HCN1: variants seen among roughly 807,000 people sequenced by gnomAD.
The protein encoded by HCN1 is hyperpolarization activated cyclic nucleotide gated potassium channel 1, also known as potassium/sodium hyperpolarization-activated cyclic nucleotide-gated channel 1.
Under a neutral mutation model 78.9 loss-of-function variants are expected in HCN1, and 13 were observed. That is an observed-to-expected ratio of 0.16 (90% CI 0.11 to 0.26). The LOEUF is 0.26. Among genes scored for constraint, HCN1 ranks in the 10% least tolerant of loss-of-function variants. The probability of loss-of-function intolerance (pLI) is 1.00; values close to 1 mark genes in which losing one functional copy is unlikely to be tolerated. For missense variants in HCN1, 810 were observed against 1,154.3 expected (o/e 0.70, Z 4.32); for synonymous variants, 552 against 455.5 (o/e 1.21, Z -2.70).
At chr5:45,487,474 C>G (rs1044731131) in intron 2 of HCN1, among the ~76,000 whole-genome samples, 6 of 151,958 alleles carry the variant, frequency 3.9e-5, no homozygotes, top group Non-Finnish European at 8.8e-5. Context: ...TTGGTTAGAG[C>G]AATGCATGGT....
At chr5:45,668,640 T>G (rs1421786863) in intron 1 of HCN1, among the ~76,000 whole-genome samples, 1 of 151,964 alleles carries the variant, frequency 6.6e-6, no homozygotes, top group Non-Finnish European at 1.5e-5. Flanking sequence ...ATGCATAAGA[T>G]TCCTATGTGA....
intron 2 of HCN1, among the ~76,000 whole-genome samples, chr5:45,465,778 C>T (rs1741258331): frequency 6.6e-6 from 1 of 152,008 alleles, no homozygotes; most frequent in Admixed American, 6.6e-5. Context: ...TTTTAAACAA[C>T]TCTTTAATCT....
chr5:45,443,039 C>G (rs1019343093), intron 3 of HCN1, among the ~76,000 whole-genome samples: 1 of 151,950 alleles, frequency 6.6e-6, no homozygotes, highest in African/African-American at 2.4e-5. Context: ...TCTTGTTATG[C>G]TTGACACATA....
intron 3 of HCN1, among the ~76,000 whole-genome samples, chr5:45,456,730 G>T (rs1440573064): frequency 6.6e-6 from 1 of 151,996 alleles, no homozygotes; most frequent in African/African-American, 2.4e-5. Context: ...TAAATGTAGT[G>T]CTGTAATGCC....
chr5:45,335,945 A>G (rs1746445194), intron 5 of HCN1, among the ~76,000 whole-genome samples: 1 of 152,228 alleles, frequency 6.6e-6, no homozygotes, highest in South Asian at 2.1e-4. Flanking sequence ...GATGTGAAAT[A>G]GCCCCTCAGT....
chr5:45,541,762 G>T (rs1348493977), intron 2 of HCN1, among the ~76,000 whole-genome samples: 1 of 152,078 alleles, frequency 6.6e-6, no homozygotes, highest in Non-Finnish European at 1.5e-5. Flanking sequence ...GGGATAAATA[G>T]TAATTAAATC....
intron 5 of HCN1, among the ~76,000 whole-genome samples, chr5:45,306,259 A>T (rs1745732703): frequency 6.6e-6 from 1 of 152,078 alleles, no homozygotes; most frequent in African/African-American, 2.4e-5. Context: ...CCTTGATTTG[A>T]ACTATGCAAA....
At chr5:45,441,813 A>G (rs973783881) in intron 3 of HCN1, among the ~76,000 whole-genome samples, 1 of 152,166 alleles carries the variant, frequency 6.6e-6, no homozygotes, top group African/African-American at 2.4e-5. Flanking sequence ...GGAGTGCTCA[A>G]TATATGTTTC....
At chr5:45,459,818 G>T (rs976006963) in intron 3 of HCN1, among the ~76,000 whole-genome samples, 1 of 152,030 alleles carries the variant, frequency 6.6e-6, no homozygotes, top group Non-Finnish European at 1.5e-5. Flanking sequence ...TAGTGCTAAT[G>T]TTTTTATACT....
At chr5:45,690,467 C>T (rs961945658) in intron 1 of HCN1, among the ~76,000 whole-genome samples, 7 of 151,938 alleles carry the variant, frequency 4.6e-5, no homozygotes, top group Admixed American at 4.6e-4. Context: ...TATTCTTCTA[C>T]AAAGTCCCTT....
chr5:45,333,670 A>G (rs541444225), intron 5 of HCN1, among the ~76,000 whole-genome samples: 2 of 151,910 alleles, frequency 1.3e-5, no homozygotes, highest in East Asian at 3.9e-4. Flanking sequence ...GTATATGGCT[A>G]GAGATAGGGG....
intron 4 of HCN1, among the ~76,000 whole-genome samples, chr5:45,391,219 T>C (rs1334623005): frequency 1.3e-5 from 2 of 152,174 alleles, no homozygotes; most frequent in Non-Finnish European, 2.9e-5. Flanking sequence ...ATCTCAGAGC[T>C]AGCTCTTCCC....
chr5:45,532,093 T>C (rs957127395), intron 2 of HCN1, among the ~76,000 whole-genome samples: 1 of 152,172 alleles, frequency 6.6e-6, no homozygotes, highest in African/African-American at 2.4e-5. Context: ...CTTTTCCTCA[T>C]CATAATTAAT....
chr5:45,339,523 G>A (rs1746531752), intron 5 of HCN1, among the ~76,000 whole-genome samples: 1 of 152,158 alleles, frequency 6.6e-6, no homozygotes, highest in Non-Finnish European at 1.5e-5. Context: ...AGGCCATGAA[G>A]AGCCTCTGTG....
intron 4 of HCN1, among the ~76,000 whole-genome samples, chr5:45,392,244 A>T (rs572735514): frequency 6.6e-6 from 1 of 152,258 alleles, no homozygotes; most frequent in East Asian, 1.9e-4. Context: ...CAAATTTGAA[A>T]TATTAGGTTG....
chr5:45,543,658 T>C (rs1743148536), intron 2 of HCN1, among the ~76,000 whole-genome samples: 1 of 152,094 alleles, frequency 6.6e-6, no homozygotes, highest in East Asian at 1.9e-4. Flanking sequence ...AAGCTGAATA[T>C]CAAGGAAGTA....
chr5:45,431,841 G>A (rs1740470005), intron 3 of HCN1, among the ~76,000 whole-genome samples: 1 of 152,108 alleles, frequency 6.6e-6, no homozygotes, highest in Non-Finnish European at 1.5e-5. Context: ...CTGTAGGCTT[G>A]TAACACAGTT....
At chr5:45,645,692 G>T in intron 1 of HCN1, 84 bp from the exon 2 acceptor site, 2 of 737,168 alleles carry the variant, frequency 2.7e-6, no homozygotes, top group Non-Finnish European at 4.4e-6. Context: ...CTGATATATA[G>T]TGAGATCAAT....
At chr5:45,303,538 T>C in intron 6 of HCN1, 61 bp downstream of exon 6, 1 of 1,581,064 alleles carries the variant, frequency 6.3e-7, no homozygotes, top group Non-Finnish European at 8.7e-7. Flanking sequence ...TCTCCAAAAT[T>C]CTTAAAGATA....
Sources: gnomAD v4.1 joint callset for allele counts (sites outside exome capture counted in the v4.1 genomes callset) on GRCh38, gnomAD v4.1.1 for gene constraint, MANE v1.5 for transcripts, NCBI Gene and HGNC (gene_info 2026-07-23, HGNC 2026-07-21) for gene names.